NFIB: variants seen among roughly 807,000 people sequenced by gnomAD.
NFIB encodes nuclear factor I B.
In NFIB, 11 loss-of-function variants were observed where a neutral mutation model predicts 61.5. The ratio of observed to expected loss-of-function variants is 0.18; its 90% CI spans 0.11 to 0.30. NFIB has a LOEUF of 0.30. Ranked by LOEUF, NFIB falls within the 10% of genes least tolerant of loss-of-function variation. The probability of loss-of-function intolerance (pLI) is 1.00; values close to 1 mark genes in which losing one functional copy is unlikely to be tolerated. For synonymous variants in NFIB, 260 were observed against 216.5 expected (o/e 1.20, Z -1.76); for missense variants, 471 against 608.9 (o/e 0.77, Z 2.38).
At chr9:14,388,757 T>TA (rs1343595546) in intron 1 of NFIB, among the ~76,000 whole-genome samples, 2 of 152,120 alleles carry the variant, frequency 1.3e-5, no homozygotes, top group Non-Finnish European at 2.9e-5. Flanking sequence ...TTGTATTTCT[T>TA]AAAAAATAAA....
chr9:14,460,298 C>T, the NFIB span, among the ~76,000 whole-genome samples: 1 of 150,326 alleles, frequency 6.7e-6, no homozygotes, highest in Non-Finnish European at 1.5e-5. Flanking sequence ...TGTTCTCACT[C>T]ATAGGTGGGA....
chr9:14,342,650 C>T (rs1006236772), intron 1 of NFIB, among the ~76,000 whole-genome samples: 5 of 152,092 alleles, frequency 3.3e-5, no homozygotes, highest in East Asian at 1.9e-4. Flanking sequence ...GAAGGTGTAG[C>T]GGGCTACACA....
At chr9:14,288,204 T>G (rs1005797957) in intron 2 of NFIB, among the ~76,000 whole-genome samples, 1 of 152,026 alleles carries the variant, frequency 6.6e-6, no homozygotes, top group Non-Finnish European at 1.5e-5. Flanking sequence ...ACATAAACAA[T>G]TGAAATACCA....
the NFIB span, among the ~76,000 whole-genome samples, chr9:14,455,107 G>A: frequency 6.6e-6 from 1 of 152,148 alleles, no homozygotes; most frequent in Non-Finnish European, 1.5e-5. Flanking sequence ...CAGGATGCCT[G>A]GCACATGGTA....
chr9:14,251,782 C>G (rs568856912), intron 2 of NFIB, among the ~76,000 whole-genome samples: 22 of 152,334 alleles, frequency 1.4e-4, no homozygotes, highest in African/African-American at 5.3e-4. Flanking sequence ...CCAGGAATTA[C>G]ACAGGCGTGC....
At chr9:14,103,402 A>C (rs1489170529) in intron 10 of NFIB, among the ~76,000 whole-genome samples, 1 of 152,130 alleles carries the variant, frequency 6.6e-6, no homozygotes, top group African/African-American at 2.4e-5. Flanking sequence ...CCACACTGTA[A>C]ATTAACAGCA....
chr9:14,131,520 AAC>A (rs2040404339), intron 6 of NFIB, among the ~76,000 whole-genome samples: 1 of 152,182 alleles, frequency 6.6e-6, no homozygotes, highest in South Asian at 2.1e-4. Context: ...GTCGCTGTGA[AAC>A]ACAGCGTATG....
chr9:14,511,434 T>A, the NFIB span, among the ~76,000 whole-genome samples: 1 of 152,206 alleles, frequency 6.6e-6, no homozygotes, highest in Admixed American at 6.5e-5. Context: ...AATTTATTTT[T>A]TCATAATCAT....
intron 1 of NFIB, among the ~76,000 whole-genome samples, chr9:14,377,671 G>A (rs1203164353): frequency 3.3e-5 from 5 of 152,114 alleles, no homozygotes; most frequent in African/African-American, 1.2e-4. Context: ...GCAGCCTAGG[G>A]CTTATAAAGG....
At chr9:14,131,688 T>G (rs573343202) in intron 6 of NFIB, among the ~76,000 whole-genome samples, 2 of 152,350 alleles carry the variant, frequency 1.3e-5, no homozygotes, top group South Asian at 2.1e-4. Flanking sequence ...TAAACTGTTG[T>G]TCACTTCCAA....
chr9:14,290,238 C>T (rs1447086511), intron 2 of NFIB, among the ~76,000 whole-genome samples: 8 of 152,036 alleles, frequency 5.3e-5, no homozygotes, highest in African/African-American at 1.9e-4. Context: ...TGAGACATTA[C>T]ATAGCAATTA....
chr9:14,254,312 C>T (rs2055983319), intron 2 of NFIB, among the ~76,000 whole-genome samples: 1 of 151,372 alleles, frequency 6.6e-6, no homozygotes, highest in African/African-American at 2.4e-5. Context: ...AAAAACAAAA[C>T]AAAACAAAAC....
chr9:14,096,157 A>G, intron 10 of NFIB, among the ~76,000 whole-genome samples: 1 of 152,144 alleles, frequency 6.6e-6, no homozygotes, highest in East Asian at 1.9e-4. Flanking sequence ...TTTCTTACGG[A>G]CGAACTACAT....
At chr9:14,433,632 A>G in the NFIB span, among the ~76,000 whole-genome samples, 6 of 152,206 alleles carry the variant, frequency 3.9e-5, no homozygotes, top group African/African-American at 1.4e-4. Flanking sequence ...AAAAGCAAGC[A>G]GACTTGACGA....
chr9:14,454,586 G>T, the NFIB span, among the ~76,000 whole-genome samples: 1 of 152,082 alleles, frequency 6.6e-6, no homozygotes, highest in Non-Finnish European at 1.5e-5. Flanking sequence ...TGAAGCATTT[G>T]TCACAACTGG....
chr9:14,421,708 C>T, the NFIB span, among the ~76,000 whole-genome samples: 1 of 152,142 alleles, frequency 6.6e-6, no homozygotes, highest in Admixed American at 6.5e-5. Context: ...TAGAATTGGC[C>T]CAGTGCTAAT....
the NFIB span, among the ~76,000 whole-genome samples, chr9:14,494,970 T>C: frequency 3.5e-4 from 54 of 152,354 alleles, no homozygotes; most frequent in African/African-American, 1.3e-3. Context: ...TGGCTGTGGC[T>C]GTCAAATTTT....
chr9:14,374,646 A>C (rs926279048), intron 1 of NFIB, among the ~76,000 whole-genome samples: 3 of 152,236 alleles, frequency 2.0e-5, no homozygotes, highest in African/African-American at 7.2e-5. Flanking sequence ...ACAGAGGCTC[A>C]CGCCTGTAGT....
At position 14,184,867 on chromosome 9, in the gene NFIB, C is replaced by CA; in HGVS notation, c.563-5088dup. On this transcript the variant is annotated intron_variant, in intron 2 of 10. Transcript: ENST00000380953. ...GAAACCCCGTCTCTACCAAAAAATA[C>CA]AAAAAAGTAGCCAGGTGCGGTGGCA... Among the ~76,000 whole-genome samples, 4 of 152,118 alleles carry CA rather than the reference C, an allele frequency of 2.6e-5. No individual in the cohort carries two copies. The Middle Eastern group carries it at 0.01, about 388-fold the overall frequency.
Sources: gnomAD v4.1 joint callset for allele counts (sites outside exome capture counted in the v4.1 genomes callset) on GRCh38, gnomAD v4.1.1 for gene constraint, MANE v1.5 for transcripts, NCBI Gene and HGNC (gene_info 2026-07-23, HGNC 2026-07-21) for gene names.